The following KIF17 variants were observed in gnomAD, a reference collection of about 807,000 sequenced individuals.
KIF17 encodes the protein kinesin family member 17.
KIF17 carries 80 observed loss-of-function variants against 96.8 expected under a neutral mutation model. That is an observed-to-expected ratio of 0.83 (90% CI 0.69 to 1.00). The LOEUF is 1.00. KIF17 is among the 50% of genes least tolerant of loss of function. The pLI is 0.00. For synonymous variants in KIF17, 567 were observed against 587.5 expected (o/e 0.97, Z 0.51); for missense variants, 1,280 against 1,372.9 (o/e 0.93, Z 1.07).
intron 11 of KIF17, among the ~76,000 whole-genome samples, chr1:20,680,166 A>G (rs1293999431): frequency 6.6e-6 from 1 of 152,068 alleles, no homozygotes; most frequent in Admixed American, 6.6e-5. Context: ...TCTATTTAAA[A>G]CTACACTTCA....
chr1:20,688,013 C>T (rs904985289), intron 7 of KIF17, 69 bp from the exon 8 acceptor site: 4 of 1,338,668 alleles, frequency 3.0e-6, no homozygotes, highest in African/African-American at 1.4e-5. Context: ...TAGAAGGTGG[C>T]TCCAAGCCCA....
At chr1:20,677,043 GCT>G (rs1172116552) in intron 11 of KIF17, among the ~76,000 whole-genome samples, 1 of 150,934 alleles carries the variant, frequency 6.6e-6, no homozygotes, top group Admixed American at 6.6e-5. Context: ...AAACCCCGTC[GCT>G]ACAAAAAATA....
chr1:20,717,500 G>A lies in KIF17; in HGVS notation c.207C>T (p.Asn69=), dbSNP rs1479605335. ...HVDHVTEQIY[N]EIAYPLVEGV... is the part of the protein sequence containing the mutation. ...CCTCCACCAGCGGATAGGCGATCTC[G>A]TTGTAGATCTGCTCGGTGACGTGGT... The change falls in exon 1 of 15, where the codon AAC becomes AAT. Residue 69 remains asparagine, a synonymous_variant. Coordinates refer to ENST00000400463, the MANE Select transcript of KIF17 (RefSeq NM_001122819.3). The A allele has an allele frequency of 7.4e-6, 12 of 1,611,536 alleles. No homozygotes were observed. The highest frequency in any genetic ancestry group is 4.0e-5 in the African/African-American group (3 of 74,898).
At position 20,685,045 on chromosome 1, in the gene KIF17, G is replaced by C; in HGVS notation, c.2020-25C>G. The stretch of plus-strand genomic sequence containing the variant: ...CCTGAGTGTGAAGAGAAACCCAGGT[G>C]GAGGTGGGAAGGCCGCCCCAACCCC... On this transcript the variant is annotated intron_variant, in intron 9 of 14. Transcript: ENST00000400463. The surrounding 1 kb of genome is among the most constrained non-coding windows in gnomAD (Gnocchi z 4.1). The C allele has an allele frequency of 6.4e-7, 1 of 1,559,776 alleles. No homozygotes were observed. The highest frequency in any genetic ancestry group is 8.7e-7 in the Non-Finnish European group (1 of 1,150,024).
chr1:20,688,828 A>C (rs1003365950), intron 7 of KIF17, among the ~76,000 whole-genome samples: 1 of 152,218 alleles, frequency 6.6e-6, no homozygotes, highest in African/African-American at 2.4e-5. Context: ...TCCAAAGGGC[A>C]TAAAATGCTA....
In KIF17 at chr1:20,666,286, T is replaced by C. The variant is rs764308721; in HGVS notation, c.2836A>G (p.Asn946Asp). 6.2e-7 allele frequency: 1 copy of C among 1,614,184 alleles called. No individual in the cohort carries two copies. The highest frequency in any genetic ancestry group is 2.2e-5 in the East Asian group (1 of 44,888). ...RLMLSRSNSE[N>D]IASNYFRSKR... ...GATCGGAAGTAGTTGCTGGCAATGT[T>C]TTCACTGTTGCTCCGACTGAGCATG... The change falls in exon 14 of 15, where the codon AAC becomes GAC. Residue 946 changes from asparagine to aspartate, a missense_variant. Transcript: ENST00000400463.
In KIF17 at chr1:20,695,743, C is replaced by T. The variant is rs115332449; in HGVS notation, c.1233+2636G>A. 8.3e-3 allele frequency among the ~76,000 whole-genome samples: 1,268 copies of T among 152,214 alleles called. 21 individuals are homozygous for T. The highest frequency in any genetic ancestry group is 0.028 in the African/African-American group (1,151 of 41,502). Reference sequence around the variant, plus strand: ...GCTCCAGGACCTTGTGCTTGCAATCCGCCCCCTCCTTCCTATAACCTCGAC... The same window carrying T: ...GCTCCAGGACCTTGTGCTTGCAATCTGCCCCCTCCTTCCTATAACCTCGAC... On this transcript the variant is annotated intron_variant, in intron 6 of 14. Transcript: ENST00000400463.
chr1:20,713,313 T>TC, intron 3 of KIF17, 141 bp downstream of exon 3: 1 of 625,730 alleles, frequency 1.6e-6, no homozygotes, highest in Admixed American at 3.0e-5. Flanking sequence ...TTTTTTTTAA[T>TC]TAAAAAAAAA....
chr1:20,668,527 C>T (rs1033627361), intron 13 of KIF17, among the ~76,000 whole-genome samples: 6 of 152,222 alleles, frequency 3.9e-5, no homozygotes, highest in African/African-American at 1.4e-4. Context: ...CAGCAACTTT[C>T]CCTTTTTTAT....
chr1:20,661,669 G>T, downstream of KIF17: 1 of 459,358 alleles, frequency 2.2e-6, no homozygotes, highest in Non-Finnish European at 3.9e-6. Context: ...CTCCGCCCAG[G>T]CCGGCCTCCC....
At chr1:20,701,348 T>A (rs901988360) in intron 5 of KIF17, among the ~76,000 whole-genome samples, 1 of 152,240 alleles carries the variant, frequency 6.6e-6, no homozygotes, top group African/African-American at 2.4e-5. Flanking sequence ...GGAGAATCGC[T>A]TGAACCCGGG....
rs1225329619 is a variant in KIF17 at position 20,712,635 on chromosome 1, TA to T, written c.480+818del. On this transcript the variant is annotated intron_variant, in intron 3 of 14. Transcript: ENST00000400463. ...ATATATAATATAGATAATATCTATA[TA>T]TATAATATAGATAATATTATCTATA... Among the ~76,000 whole-genome samples the T allele has an allele frequency of 9.6e-4, 71 of 74,046 alleles. 9 individuals are homozygous for T. The highest frequency in any genetic ancestry group is 1.3e-3 in the Non-Finnish European group (51 of 39,454). 48.6% of individuals were successfully genotyped at this position (74,046 alleles called of 152,430 possible).
chr1:20,684,682 C>T, intron 10 of KIF17, 127 bp downstream of exon 10: 1 of 943,682 alleles, frequency 1.1e-6, no homozygotes. Flanking sequence ...GAGAGAGGAT[C>T]AGGGCCGCCC....
rs146714930 is a variant in KIF17, at chr1:20,715,498, C to G, written c.373G>C (p.Val125Leu). The G allele has an allele frequency of 1.2e-6, 2 of 1,612,708 alleles. No homozygotes were observed. Among genetic ancestry groups the G allele is most frequent in the Non-Finnish European group, 1.7e-6 (2 of 1,180,020 alleles). The change falls in exon 2 of 15, where the codon GTC (valine) becomes CTC (leucine). Residue 125 changes from valine (V) to leucine (L), a missense_variant. Coordinates refer to ENST00000400463, the MANE Select transcript of KIF17 (RefSeq NM_001122819.3). ...TCCCTCTGCGAGGCCCGTACCTGGACGCTCTCGAACACGTGCTCGAAGGCC... is the reference window on the plus strand; with the variant it reads ...TCCCTCTGCGAGGCCCGTACCTGGAGGCTCTCGAACACGTGCTCGAAGGCC... ...PRAFEHVFES[V>L]QCAENTKFLV...
chr1:20,714,501 C>CA lies in KIF17; in HGVS notation c.379-947dup, dbSNP rs367700861. On this transcript the variant is annotated intron_variant, in intron 2 of 14. Coordinates refer to ENST00000400463, the MANE Select transcript of KIF17 (RefSeq NM_001122819.3). ...CAAGACTCCGTCTCAAAAACAAAAA[C>CA]AAAAACAAACAAAGAAAAAGTGCGG... Among the ~76,000 whole-genome samples, 29 of 146,314 alleles carry CA rather than the reference C, an allele frequency of 2.0e-4. No individual in the cohort carries two copies. The East Asian group carries it at 5.9e-3, about 30-fold the overall frequency.
chr1:20,698,672 G>C (rs924062984), intron 5 of KIF17, among the ~76,000 whole-genome samples, 184 bp from the exon 6 acceptor site: 1 of 152,162 alleles, frequency 6.6e-6, no homozygotes, highest in African/African-American at 2.4e-5. Flanking sequence ...GGAGCACCTC[G>C]ATGTTCCAGA....
At chr1:20,690,079 C>T (rs1245500147) in intron 7 of KIF17, 109 bp downstream of exon 7, 2 of 1,225,306 alleles carry the variant, frequency 1.6e-6, no homozygotes, top group African/African-American at 3.0e-5. Context: ...GAGGATAAAA[C>T]AGACCTGATC....
chr1:20,687,085 C>A lies in KIF17; in HGVS notation c.1938+303G>T, dbSNP rs2053951099. On this transcript the variant is annotated intron_variant, in intron 8 of 14. Coordinates refer to ENST00000400463, the MANE Select transcript of KIF17 (RefSeq NM_001122819.3). This position sits in a 1 kb window ranked among gnomAD's most constrained non-coding sequence, Gnocchi z 4.4. ...ACTCACTGTAACCATGGCAACTGGG[C>A]AAACGCCCTGTACAGCTGTCCCTCC... Among the ~76,000 whole-genome samples the A allele has an allele frequency of 2.0e-5, 3 of 152,208 alleles. No homozygotes were observed. The highest frequency in any genetic ancestry group is 4.4e-5 in the Non-Finnish European group (3 of 68,038).
intron 11 of KIF17, among the ~76,000 whole-genome samples, chr1:20,677,474 A>T (rs2053757830): frequency 6.6e-6 from 1 of 152,202 alleles, no homozygotes; most frequent in Non-Finnish European, 1.5e-5. Flanking sequence ...ATTACAAGAT[A>T]TTGGAAACAC....
Sources: allele counts gnomAD v4.1 joint callset (sites outside exome capture counted in the v4.1 genomes callset), GRCh38; gene constraint gnomAD v4.1.1; non-coding constraint Gnocchi (gnomAD v3.1); transcripts MANE v1.5; gene names NCBI Gene and HGNC (gene_info 2026-07-23, HGNC 2026-07-21).